Variants in NETO1 observed in about 807,000 individuals in gnomAD.
The protein encoded by NETO1 is neuropilin and tolloid like 1.
Under a neutral mutation model 61.3 loss-of-function variants are expected in NETO1, and 26 were observed. The ratio of observed to expected loss-of-function variants is 0.42; its 90% CI spans 0.31 to 0.59. NETO1 has a LOEUF of 0.59. Ranked by LOEUF, NETO1 falls within the 20% of genes least tolerant of loss-of-function variation. The pLI, the probability that NETO1 is intolerant of heterozygous loss-of-function variation, is 0.12. For synonymous variants in NETO1, 225 were observed against 225.8 expected, an observed-to-expected ratio of 1.00 and a Z score of 0.03; for missense variants, 531 against 662.8, an observed-to-expected ratio of 0.80 and a Z score of 2.18.
At chr18:72,852,300 C>A (rs984114981) in intron 4 of NETO1, among the ~76,000 whole-genome samples, 1 of 151,800 alleles carries the variant, frequency 6.6e-6, no homozygotes, top group African/African-American at 2.4e-5. Flanking sequence ...CTGCAACCTC[C>A]GCCTCCTGGG....
intron 3 of NETO1, 67 bp downstream of exon 3, chr18:72,864,741 T>A (rs1423552720): frequency 1.2e-6 from 2 of 1,602,552 alleles, no homozygotes; most frequent in African/African-American, 2.7e-5. Context: ...ATATTCTTCA[T>A]CCAAAGCACA....
At chr18:72,784,556 G>GT (rs1432764096) in intron 6 of NETO1, among the ~76,000 whole-genome samples, 1 of 152,054 alleles carries the variant, frequency 6.6e-6, no homozygotes, top group Non-Finnish European at 1.5e-5. Context: ...ATGTTATTTT[G>GT]TAACACTTCC....
In NETO1 at chr18:72,832,836, T is replaced by G. The variant is rs1378662458; in HGVS notation, c.469+25990A>C. Among the ~76,000 whole-genome samples the G allele has an allele frequency of 2.0e-5, 3 of 152,218 alleles. No individual in the cohort carries two copies. In the South Asian group the frequency reaches 6.2e-4, roughly 31 times the overall value. ...GTATAGTAGAGCAGTGTAATAAACA[T>G]ACAGATTTATACACAAATTAATCAT... On this transcript the variant is annotated intron_variant, in intron 4 of 10. Coordinates refer to ENST00000327305, the MANE Select transcript of NETO1 (RefSeq NM_138966.5).
chr18:72,858,939 C>T lies in NETO1; in HGVS notation c.356G>A (p.Gly119Glu), dbSNP rs919067181. Reference sequence around the variant, plus strand: ...TTTTATGACAGGTGGATTTTGTTGTCCACAGAAACGTCCAATTATTGGAGA... The same window carrying T: ...TTTTATGACAGGTGGATTTTGTTGTTCACAGAAACGTCCAATTATTGGAGA... ...GFSPIIGRFC[G>E]QQNPPVIKSS... Residue 119 changes from glycine (G) to glutamate (E), a missense_variant, in exon 4 of 11, where the codon GGA becomes GAA. Gly to Glu is a moderately conservative substitution (Grantham distance 98, BLOSUM62 -2). Coordinates refer to ENST00000327305, the MANE Select transcript of NETO1 (RefSeq NM_138966.5). The T allele has an allele frequency of 6.2e-7, 1 of 1,613,676 alleles. No individual in the cohort carries two copies. Among genetic ancestry groups the T allele is most frequent in the African/African-American group, 1.3e-5 (1 of 74,850 alleles).
At chr18:72,789,485 T>C (rs1018977511) in intron 6 of NETO1, among the ~76,000 whole-genome samples, 3 of 152,148 alleles carry the variant, frequency 2.0e-5, no homozygotes, top group East Asian at 1.9e-4. Flanking sequence ...GGCTCAATCT[T>C]CAGAACCCTT....
chr18:72,788,610 A>G (rs1257102452), intron 6 of NETO1, among the ~76,000 whole-genome samples: 1 of 152,146 alleles, frequency 6.6e-6, no homozygotes, highest in Non-Finnish European at 1.5e-5. Flanking sequence ...CTAGTAAAAT[A>G]GATTATCATC....
intron 4 of NETO1, among the ~76,000 whole-genome samples, chr18:72,826,872 G>A (rs1489910447): frequency 6.6e-6 from 1 of 152,096 alleles, no homozygotes; most frequent in African/African-American, 2.4e-5. Flanking sequence ...TTTACATCGT[G>A]GGTGAAGCAT....
At chr18:72,801,323 T>G (rs1163031482) in intron 4 of NETO1, among the ~76,000 whole-genome samples, 2 of 152,200 alleles carry the variant, frequency 1.3e-5, no homozygotes, top group African/African-American at 4.8e-5. Flanking sequence ...TTATTGCAAC[T>G]ATTATTCTAT....
intron 4 of NETO1, among the ~76,000 whole-genome samples, chr18:72,837,318 T>C (rs893748820): frequency 2.0e-5 from 3 of 152,146 alleles, no homozygotes; most frequent in South Asian, 2.1e-4. Flanking sequence ...TGAATTTCCA[T>C]AGAAAATGCA....
At position 72,858,837 on chromosome 18, in the gene NETO1, T is replaced by C. The variant is rs2074483042; in HGVS notation, c.458A>G (p.Asn153Ser). 4.3e-6 allele frequency: 7 copies of C among 1,609,310 alleles called. No homozygotes were observed. Among genetic ancestry groups the C allele is most frequent in the East Asian group, 2.2e-5 (1 of 44,800 alleles). ...AAGTACTTACTTACCAGGTGTGAAA[T>C]TGTATCGAGCTGAAAATCCCATAGA... ...LESMGFSARYNFTPDPDFKDL... is the reference protein window; with the variant it reads ...LESMGFSARYSFTPDPDFKDL... The change falls in exon 4 of 11, where the codon AAT (asparagine) becomes AGT (serine). Residue 153 changes from asparagine (N) to serine (S), a missense_variant. Asn to Ser is a conservative substitution (Grantham distance 46). Transcript: ENST00000327305.
At chr18:72,818,307 T>C (rs896850594) in intron 4 of NETO1, among the ~76,000 whole-genome samples, 2 of 152,228 alleles carry the variant, frequency 1.3e-5, no homozygotes, top group African/African-American at 4.8e-5. Flanking sequence ...TTTTGTGTGC[T>C]TTACTCTTGC....
chr18:72,845,319 C>A (rs1279803096), intron 4 of NETO1, among the ~76,000 whole-genome samples: 1 of 152,164 alleles, frequency 6.6e-6, no homozygotes, highest in Non-Finnish European at 1.5e-5. Context: ...TGCTGCTTCT[C>A]AAAGTCATAG....
chr18:72,817,275 T>A (rs969481994), intron 4 of NETO1, among the ~76,000 whole-genome samples: 1 of 152,226 alleles, frequency 6.6e-6, no homozygotes, highest in South Asian at 2.1e-4. Context: ...AGAAATTTCA[T>A]CAATCACATG....
intron 1 of NETO1, chr18:72,865,472 C>G: frequency 7.2e-7 from 1 of 1,396,164 alleles, no homozygotes; most frequent in Non-Finnish European, 9.9e-7. Flanking sequence ...GACCCAAACT[C>G]CTAAGGCAAA....
At chr18:72,865,271 A>T (rs1481016555) in intron 1 of NETO1, 30 bp from the exon 2 acceptor site, 1 of 1,475,490 alleles carries the variant, frequency 6.8e-7, no homozygotes, top group Non-Finnish European at 9.4e-7. Flanking sequence ...TTAGAGATAA[A>T]ATACACTGAA....
chr18:72,829,701 G>GC (rs2073510258), intron 4 of NETO1, among the ~76,000 whole-genome samples: 3 of 152,098 alleles, frequency 2.0e-5, no homozygotes, highest in Non-Finnish European at 4.4e-5. Context: ...GGAATAATAA[G>GC]AACAGAATAA....
chr18:72,784,215 GT>G (rs71990051), intron 6 of NETO1, among the ~76,000 whole-genome samples: 52,102 of 151,778 alleles, frequency 0.34, 9,253 homozygotes, highest in Admixed American at 0.47. Context: ...CTTACACACT[GT>G]TTTACTTTGA....
At chr18:72,749,154 T>C in intron 9 of NETO1, 66 bp from the exon 10 acceptor site, 1 of 957,104 alleles carries the variant, frequency 1.0e-6, no homozygotes. Flanking sequence ...TATACAAATA[T>C]TTACTCAAAA....
intron 7 of NETO1, among the ~76,000 whole-genome samples, chr18:72,764,647 A>G (rs1195709879): frequency 6.6e-6 from 1 of 152,148 alleles, no homozygotes; most frequent in Admixed American, 6.5e-5. Flanking sequence ...TACCCTGAAT[A>G]TTGAAATTCC....
Sources: gnomAD v4.1 joint callset for allele counts (sites outside exome capture counted in the v4.1 genomes callset) on GRCh38, gnomAD v4.1.1 for gene constraint, MANE v1.5 for transcripts, NCBI Gene and HGNC (gene_info 2026-07-23, HGNC 2026-07-21) for gene names.